Variants in ACOT7 observed in about 807,000 individuals in gnomAD.
ACOT7 encodes acyl-CoA thioesterase 7.
In ACOT7, 12 loss-of-function variants were observed where a neutral mutation model predicts 40.2. The ratio of observed to expected loss-of-function variants is 0.30; its 90% CI spans 0.19 to 0.48. The LOEUF (loss-of-function observed/expected upper bound fraction) is 0.48. ACOT7 is among the 20% of genes least tolerant of loss of function. ACOT7 has a pLI of 0.99. For missense variants in ACOT7, 395 were observed against 530.8 expected (o/e 0.74, Z 2.51); for synonymous variants, 228 against 219.5 (o/e 1.04, Z -0.34).
In ACOT7 at chr1:6,339,714, T is replaced by C. The variant is rs1233234970; in HGVS notation, c.262-125A>G. ...CATTCCCCACTGTGAAAGCAACCAA[T>C]GTATCACCATTTATTGGCACCGCGG... On this transcript the variant is annotated intron_variant, in intron 2 of 8. Transcript: ENST00000361521. The C allele has an allele frequency of 8.9e-6, 10 of 1,126,292 alleles. No individual in the cohort carries two copies. The East Asian group carries it at 1.1e-4, about 12-fold the overall frequency. 69.8% of individuals were successfully genotyped at this position (1,126,292 alleles called of 1,614,324 possible). A position where few individuals can be genotyped will look rare whatever the true frequency, so the allele number is the denominator to read the frequency against.
At chr1:6,283,859 G>A (rs1245999744) in intron 7 of ACOT7, among the ~76,000 whole-genome samples, 1 of 152,236 alleles carries the variant, frequency 6.6e-6, no homozygotes, top group African/African-American at 2.4e-5. Flanking sequence ...ACTGGATATA[G>A]TGGCACACGC....
chr1:6,279,180 G>A (rs1235466721), intron 8 of ACOT7, among the ~76,000 whole-genome samples: 10 of 152,236 alleles, frequency 6.6e-5, no homozygotes, highest in African/African-American at 2.4e-4. Flanking sequence ...CCAGACACAG[G>A]GCTGAAGGTC....
chr1:6,381,294 T>A (rs1239274056), intron 1 of ACOT7, among the ~76,000 whole-genome samples: 1 of 151,174 alleles, frequency 6.6e-6, no homozygotes, highest in Non-Finnish European at 1.5e-5. Flanking sequence ...TTCAAGTATA[T>A]GAATAAATAT....
intron 8 of ACOT7, among the ~76,000 whole-genome samples, chr1:6,268,581 C>T (rs1002898687): frequency 1.3e-5 from 2 of 152,232 alleles, no homozygotes; most frequent in African/African-American, 4.8e-5. Context: ...CGATTTTCCC[C>T]ACTCCCCGCC....
Position 6,352,925 on chromosome 1 carries a change from C to A in ACOT7, c.144-3059G>T, listed in dbSNP as rs1382542543. Among the ~76,000 whole-genome samples, 3 of 152,142 alleles carry A rather than the reference C, an allele frequency of 2.0e-5. No individual in the cohort carries two copies. The highest frequency in any genetic ancestry group is 7.2e-5 in the African/African-American group (3 of 41,434). On this transcript the variant is annotated intron_variant, in intron 1 of 8. Coordinates refer to ENST00000361521, the MANE Select transcript of ACOT7 (RefSeq NM_007274.4). The surrounding 1 kb of genome is among the most constrained non-coding windows in gnomAD (Gnocchi z 4.5). ...ACAGCGTCTCATTCTGTCACCCAGG[C>A]TGGAGTACAGTGGCATGATCTTGGC...
chr1:6,348,442 C>A (rs1410221993), intron 2 of ACOT7, among the ~76,000 whole-genome samples: 2 of 152,142 alleles, frequency 1.3e-5, no homozygotes, highest in African/African-American at 4.8e-5. Context: ...CATGGCTGTC[C>A]CCACCTCCCA....
At chr1:6,368,019 T>C (rs1185900316) in intron 1 of ACOT7, among the ~76,000 whole-genome samples, 1 of 152,170 alleles carries the variant, frequency 6.6e-6, no homozygotes, top group Non-Finnish European at 1.5e-5. Flanking sequence ...TCCTCTGCTC[T>C]AGTCTGGCTG....
intron 3 of ACOT7, among the ~76,000 whole-genome samples, chr1:6,337,878 AGCAGGAGAATAGCTTGAACCTGGGAG>A (rs1305469242): frequency 7.2e-5 from 11 of 151,884 alleles, no homozygotes; most frequent in Non-Finnish European, 1.2e-4. Context: ...AGGAGGCTGA[AGCAGGAGAATAGCTTGAACCTGGGAG>A]GCAGGAGAAT....
intron 5 of ACOT7, among the ~76,000 whole-genome samples, chr1:6,325,451 C>T (rs574341085): frequency 1.3e-5 from 2 of 151,804 alleles, no homozygotes; most frequent in African/African-American, 4.8e-5. Flanking sequence ...AAAGCAGCAC[C>T]ATTCTTTCTA....
chr1:6,282,273 G>A lies in ACOT7; in HGVS notation c.830-987C>T, dbSNP rs1445621599. ...TAGGCAGGCATGAGACACCCTGCCT[G>A]GGGGATAGCTACGGGATGGAAGGAC... On this transcript the variant is annotated intron_variant, in intron 7 of 8. Transcript: ENST00000361521. This position sits in a 1 kb window ranked among gnomAD's most constrained non-coding sequence, Gnocchi z 4.5. 6.6e-6 allele frequency among the ~76,000 whole-genome samples: 1 copy of A among 152,170 alleles called. No individual in the cohort carries two copies. The highest frequency in any genetic ancestry group is 1.5e-5 in the Non-Finnish European group (1 of 68,022).
chr1:6,313,671 C>T (rs1241587834), intron 6 of ACOT7, among the ~76,000 whole-genome samples: 1 of 152,174 alleles, frequency 6.6e-6, no homozygotes, highest in African/African-American at 2.4e-5. Context: ...GGGCTGGACG[C>T]TGATGAAGAG....
chr1:6,333,625 C>T (rs549766517), intron 3 of ACOT7, 57 bp from the exon 4 acceptor site: 68 of 1,549,252 alleles, frequency 4.4e-5, no homozygotes, highest in Non-Finnish European at 5.7e-5. Flanking sequence ...GGAATGTGAG[C>T]GTCCAGGCAC....
At chr1:6,280,441 C>T (rs893083521) in intron 8 of ACOT7, among the ~76,000 whole-genome samples, 10 of 152,228 alleles carry the variant, frequency 6.6e-5, no homozygotes, top group African/African-American at 2.4e-4. Flanking sequence ...GGAGAACCAC[C>T]AGCTCTCAAA....
At position 6,393,467 on chromosome 1, in the gene ACOT7, A is replaced by C; in HGVS notation, c.-68T>G. 5 of 1,185,552 alleles carry C rather than the reference A, an allele frequency of 4.2e-6. No individual in the cohort carries two copies. The highest frequency in any genetic ancestry group is 3.4e-5 in the East Asian group (1 of 29,578). The allele number at this position is 1,185,552 out of a possible 1,614,324, so 73.4% of individuals were successfully genotyped here. A position where few individuals can be genotyped will look rare whatever the true frequency, so the allele number is the denominator to read the frequency against. On this transcript the variant is annotated 5_prime_UTR_variant, in exon 1 of 9. Coordinates refer to ENST00000361521, the MANE Select transcript of ACOT7 (RefSeq NM_007274.4). ...GGGCCTGCGCGCCGGGGGCAATCGAACGCGGCCTCCCCGCGCCGACCCCGC... is the reference window on the plus strand; with the variant it reads ...GGGCCTGCGCGCCGGGGGCAATCGACCGCGGCCTCCCCGCGCCGACCCCGC...
intron 5 of ACOT7, among the ~76,000 whole-genome samples, chr1:6,321,963 G>T (rs1162048811): frequency 6.6e-6 from 1 of 152,198 alleles, no homozygotes; most frequent in African/African-American, 2.4e-5. Flanking sequence ...ATTCCCCTGA[G>T]GCCCAAGGTG....
In ACOT7 at chr1:6,301,988, G is replaced by C. The variant is rs1639986609; in HGVS notation, c.713-7008C>G. ...ACAACTTTATACTAACGATGGAAAA[G>C]GCCAAGACTGGTGGATGGAGTCAGT... On this transcript the variant is annotated intron_variant, in intron 6 of 8. Coordinates refer to ENST00000361521, the MANE Select transcript of ACOT7 (RefSeq NM_007274.4). This position sits in a 1 kb window ranked among gnomAD's most constrained non-coding sequence, Gnocchi z 4.1. Among the ~76,000 whole-genome samples the C allele has an allele frequency of 6.6e-6, 1 of 152,220 alleles. No homozygotes were observed. The highest frequency in any genetic ancestry group is 2.1e-4 in the South Asian group (1 of 4,832).
intron 7 of ACOT7, among the ~76,000 whole-genome samples, chr1:6,292,007 C>T (rs1639679004): frequency 6.6e-6 from 1 of 152,212 alleles, no homozygotes; most frequent in South Asian, 2.1e-4. Context: ...CCAGCACAGC[C>T]CTCGCCTCCC....
At chr1:6,312,052 C>A (rs567307401) in intron 6 of ACOT7, among the ~76,000 whole-genome samples, 3 of 152,086 alleles carry the variant, frequency 2.0e-5, no homozygotes, top group Admixed American at 1.3e-4. Flanking sequence ...ACATACAGAC[C>A]GGATCTGACG....
chr1:6,264,783 C>T, intron 8 of ACOT7, 88 bp from the exon 9 acceptor site: 4 of 1,391,094 alleles, frequency 2.9e-6, no homozygotes, highest in South Asian at 2.5e-5. Context: ...CCCTGCCCCC[C>T]ACCCGTGGGA....
Sources: allele counts gnomAD v4.1 joint callset (sites outside exome capture counted in the v4.1 genomes callset), GRCh38; gene constraint gnomAD v4.1.1; non-coding constraint Gnocchi (gnomAD v3.1); transcripts MANE v1.5; gene names NCBI Gene and HGNC (gene_info 2026-07-23, HGNC 2026-07-21).